The following TSPEAR variants were observed in gnomAD, a reference collection of about 807,000 sequenced individuals.
TSPEAR encodes the protein thrombospondin type laminin G domain and EAR repeats, also known as thrombospondin-type laminin G domain and EAR repeat-containing protein.
TSPEAR carries 69 observed loss-of-function variants against 71.6 expected under a neutral mutation model. The ratio of observed to expected loss-of-function variants is 0.96; its 90% CI spans 0.79 to 1.18. TSPEAR has a LOEUF of 1.18. Ranked by LOEUF, TSPEAR falls within the 50% of genes most tolerant of loss-of-function variation. The pLI is 0.00. For missense variants in TSPEAR, 971 were observed against 894.9 expected (o/e 1.09, Z -1.09); for synonymous variants, 402 against 387.2 (o/e 1.04, Z -0.45).
chr21:44,654,584 G>T (rs1555942198), intron 1 of TSPEAR: 1 of 1,596,324 alleles, frequency 6.3e-7, no homozygotes, highest in Non-Finnish European at 8.5e-7. Context: ...CAGGCCATTG[G>T]GCAGCCCGAA....
At chr21:44,622,479 C>G (rs587605907) in intron 1 of TSPEAR, among the ~76,000 whole-genome samples, 1 of 152,280 alleles carries the variant, frequency 6.6e-6, no homozygotes, top group Admixed American at 6.5e-5. Context: ...GGCCAGGCAC[C>G]TGAAATGAAG....
chr21:44,499,851 C>T lies in TSPEAR; in HGVS notation c.1942G>A (p.Gly648Ser). 1 of 1,600,588 alleles carries T rather than the reference C, an allele frequency of 6.2e-7. No individual in the cohort carries two copies. The highest frequency in any genetic ancestry group is 1.7e-5 in the Admixed American group (1 of 58,682). The change falls in exon 12 of 12, where the codon GGT (glycine) becomes AGT (serine). Residue 648 changes from glycine to serine, a missense_variant. Transcript: ENST00000323084. ...GCGCTGGAGTAGATGAGGTAGGCAC[C>T]AGCCGTGGTGCTGAAGGCCTCCCAG... ...RDWEAFSTTA[G>S]AYLIYSSAKE...
intron 8 of TSPEAR, among the ~76,000 whole-genome samples, chr21:44,524,647 T>C (rs1255461693): frequency 1.3e-5 from 2 of 151,570 alleles, no homozygotes; most frequent in Non-Finnish European, 2.9e-5. Context: ...ATCAGTCAGT[T>C]AGGTAGTTAG....
intron 1 of TSPEAR, among the ~76,000 whole-genome samples, chr21:44,662,824 C>A (rs1041057244): frequency 6.6e-6 from 1 of 151,806 alleles, no homozygotes; most frequent in Non-Finnish European, 1.5e-5. Flanking sequence ...CGAGAAACAC[C>A]CTGCAGAACT....
rs1315992002 is a variant in TSPEAR at position 44,710,195 on chromosome 21, T to C, written c.82+1238A>G. On this transcript the variant is annotated intron_variant, in intron 1 of 11. Transcript: ENST00000323084. This position sits in a 1 kb window ranked among gnomAD's most constrained non-coding sequence, Gnocchi z 4.6. Reference sequence around the variant, plus strand: ...CGCGTGAAGCCAGGGGATTTTGCTCTGCGACAAGCTGACTTGGCTCTCGTA... The same window carrying C: ...CGCGTGAAGCCAGGGGATTTTGCTCCGCGACAAGCTGACTTGGCTCTCGTA... Among the ~76,000 whole-genome samples the C allele has an allele frequency of 1.3e-5, 2 of 152,204 alleles. No individual in the cohort carries two copies. Among genetic ancestry groups the C allele is most frequent in the East Asian group, 1.9e-4 (1 of 5,190 alleles).
At chr21:44,626,360 G>A (rs114554463) in intron 1 of TSPEAR, among the ~76,000 whole-genome samples, 2,499 of 152,318 alleles carry the variant, frequency 0.016, 76 homozygotes, top group African/African-American at 0.057. Flanking sequence ...GTGTGTGATG[G>A]GGCCTGTGGG....
Position 44,525,842 on chromosome 21 carries a change from GAAAGAGAGTAAACCGGGA to G in TSPEAR, c.1150-21_1150-4del, listed in dbSNP as rs1555914889. On this transcript the variant is annotated splice_region_variant and splice_polypyrimidine_tract_variant and intron_variant, in intron 7 of 11. Transcript: ENST00000323084. ...AAATTAGCCACTGCCAGGAAGATCT[GAAAGAGAGTAAACCGGGA>G]CCACGTGGTTCTGCTTGGGTCGGTG... 2 of 1,614,024 alleles carry G rather than the reference GAAAGAGAGTAAACCGGGA, an allele frequency of 1.2e-6. No homozygotes were observed. Among genetic ancestry groups the G allele is most frequent in the Non-Finnish European group, 1.7e-6 (2 of 1,180,002 alleles).
chr21:44,666,522 G>T (rs1555944751), intron 1 of TSPEAR: 1 of 1,612,660 alleles, frequency 6.2e-7, no homozygotes, highest in Non-Finnish European at 8.5e-7. Flanking sequence ...GCACCCAGAG[G>T]ACTGGCAGGA....
At chr21:44,680,340 A>G (rs1181603421) in intron 1 of TSPEAR, among the ~76,000 whole-genome samples, 2 of 152,256 alleles carry the variant, frequency 1.3e-5, no homozygotes, top group Non-Finnish European at 2.9e-5. Flanking sequence ...CTACAATGAG[A>G]TAGCATCATC....
rs587608895 is a variant in TSPEAR, at chr21:44,506,358, C to A, written c.1755-1477G>T. Among the ~76,000 whole-genome samples, 4 of 152,392 alleles carry A rather than the reference C, an allele frequency of 2.6e-5. No homozygotes were observed. In the South Asian group the frequency reaches 8.3e-4, roughly 32 times the overall value. On this transcript the variant is annotated intron_variant, in intron 10 of 11. Transcript: ENST00000323084. The surrounding 1 kb of genome is among the most constrained non-coding windows in gnomAD (Gnocchi z 4.2). Reference sequence around the variant, plus strand: ...AAGCCATGCACACGCAGGCGTCCTGCTGACATGCAGGCCAGGCGGGTGCCT... The same window carrying A: ...AAGCCATGCACACGCAGGCGTCCTGATGACATGCAGGCCAGGCGGGTGCCT...
At chr21:44,664,577 A>G (rs1415480940) in intron 1 of TSPEAR, among the ~76,000 whole-genome samples, 1 of 152,224 alleles carries the variant, frequency 6.6e-6, no homozygotes, top group Non-Finnish European at 1.5e-5. Flanking sequence ...ATCTATATGG[A>G]AAGACAAAGA....
In TSPEAR at chr21:44,566,513, A is replaced by G. The variant is rs80087886; in HGVS notation, c.303+1272T>C. Among the ~76,000 whole-genome samples the G allele has an allele frequency of 4.7e-3, 713 of 152,326 alleles. 2 individuals are homozygous for G. Among genetic ancestry groups the G allele is most frequent in the African/African-American group, 0.016 (670 of 41,570 alleles). ...CATTCACAAGTTGATTATAAAATCA[A>G]TATGTAATTACAAGCGATCCAGAAT... On this transcript the variant is annotated intron_variant, in intron 2 of 11. Coordinates refer to ENST00000323084, the MANE Select transcript of TSPEAR (RefSeq NM_144991.3).
intron 1 of TSPEAR, among the ~76,000 whole-genome samples, chr21:44,653,431 C>G (rs781880024): frequency 6.6e-6 from 1 of 152,164 alleles, no homozygotes; most frequent in East Asian, 1.9e-4. Context: ...AACACGGAGC[C>G]GGAATCTCTG....
rs1022177285 is a variant in TSPEAR, at chr21:44,687,682, C to T, written c.82+23751G>A. On this transcript the variant is annotated intron_variant, in intron 1 of 11. Coordinates refer to ENST00000323084, the MANE Select transcript of TSPEAR (RefSeq NM_144991.3). The surrounding 1 kb of genome is among the most constrained non-coding windows in gnomAD (Gnocchi z 4.4). Reference sequence around the variant, plus strand: ...GAGTTCTGGAGAGGATGGTAAAGTCCAGGGTCCTGATGGGGGTCCTCTCCC... The same window carrying T: ...GAGTTCTGGAGAGGATGGTAAAGTCTAGGGTCCTGATGGGGGTCCTCTCCC... 6.6e-6 allele frequency among the ~76,000 whole-genome samples: 1 copy of T among 152,142 alleles called. No individual in the cohort carries two copies. The highest frequency in any genetic ancestry group is 2.1e-4 in the South Asian group (1 of 4,820).
At chr21:44,631,608 C>T (rs1228533933) in intron 1 of TSPEAR, among the ~76,000 whole-genome samples, 1 of 152,168 alleles carries the variant, frequency 6.6e-6, no homozygotes, top group Non-Finnish European at 1.5e-5. Context: ...TGCCTGTAAT[C>T]TCAGCTACTC....
At chr21:44,511,884 C>T (rs1207073934) in intron 9 of TSPEAR, among the ~76,000 whole-genome samples, 2 of 152,226 alleles carry the variant, frequency 1.3e-5, no homozygotes, top group Non-Finnish European at 2.9e-5. Flanking sequence ...AGCTTTACTG[C>T]AAGTTGGGGC....
chr21:44,616,714 C>T (rs374760140), intron 1 of TSPEAR, among the ~76,000 whole-genome samples: 2 of 152,248 alleles, frequency 1.3e-5, no homozygotes, highest in East Asian at 1.9e-4. Flanking sequence ...CGTGACAATG[C>T]GGCTGCGCAC....
intron 1 of TSPEAR, among the ~76,000 whole-genome samples, chr21:44,669,832 T>C (rs1985972381): frequency 6.6e-6 from 1 of 152,164 alleles, no homozygotes; most frequent in South Asian, 2.1e-4. Flanking sequence ...AATTGTGGAA[T>C]AGGTTTGCAA....
At chr21:44,668,064 GAAGA>G (rs1985881592) in intron 1 of TSPEAR, among the ~76,000 whole-genome samples, 1 of 152,088 alleles carries the variant, frequency 6.6e-6, no homozygotes, top group Non-Finnish European at 1.5e-5. Context: ...TTTTTAAAAG[GAAGA>G]AAGAAAGAAA....
Sources: allele counts gnomAD v4.1 joint callset (sites outside exome capture counted in the v4.1 genomes callset), GRCh38; gene constraint gnomAD v4.1.1; non-coding constraint Gnocchi (gnomAD v3.1); transcripts MANE v1.5; gene names NCBI Gene and HGNC (gene_info 2026-07-23, HGNC 2026-07-21).